Variants in MT1E observed in about 807,000 individuals in gnomAD.
The protein encoded by MT1E is metallothionein-1E.
In MT1E, 1 loss-of-function variant was observed where a neutral mutation model predicts 2.4. That is an observed-to-expected ratio of 0.41 (90% CI 0.15 to 1.97). The LOEUF (loss-of-function observed/expected upper bound fraction) is 1.97, where lower values mean the gene tolerates loss of function less well. Among genes scored for constraint, MT1E ranks in the 30% most tolerant of loss-of-function variants. MT1E has a pLI of 0.30. For missense variants in MT1E, 145 were observed against 149.6 expected (o/e 0.97, Z 0.16); for synonymous variants, 78 against 63.0 (o/e 1.24, Z -1.13).
Position 56,627,048 on chromosome 16 carries a change from G to A in MT1E, c.*227G>A, listed in dbSNP as rs2144310349. On this transcript the variant is annotated 3_prime_UTR_variant, in exon 2 of 2. Transcript: ENST00000330439. ...GATTTTTTTAAAAATACAACACTGAGCCATTTGCTGCATTTCTTTTTATAC... is the reference window on the plus strand; with the variant it reads ...GATTTTTTTAAAAATACAACACTGAACCATTTGCTGCATTTCTTTTTATAC... The A allele has an allele frequency of 6.5e-7, 1 of 1,541,454 alleles. No homozygotes were observed. The highest frequency in any genetic ancestry group is 8.8e-7 in the Non-Finnish European group (1 of 1,132,666).
In MT1E at chr16:56,626,705, T is replaced by G; in HGVS notation, c.268T>G (p.Phe90Val). ...ATTCAGATGGGGCAGGACAGCATTT[T>G]TCTCGTGGGACACAAACCCCAACTG... The part of the protein sequence containing the change: ...PKFRWGRTAF[F>V]SWDTNPNCTP... Residue 90 changes from phenylalanine to valine, a missense_variant, in exon 2 of 2, where the codon TTC becomes GTC. By Grantham distance (50) the Phe-to-Val change is conservative. Coordinates refer to ENST00000330439, the MANE Select transcript of MT1E (RefSeq NM_001363555.2). The G allele has an allele frequency of 6.3e-7, 1 of 1,590,150 alleles. No individual in the cohort carries two copies. The highest frequency in any genetic ancestry group is 8.6e-7 in the Non-Finnish European group (1 of 1,168,254).
Position 56,626,722 on chromosome 16 carries a change from C to T in MT1E, c.285C>T (p.Asn95=), listed in dbSNP as rs540831925. 5.4e-5 allele frequency: 87 copies of T among 1,596,638 alleles called. No individual in the cohort carries two copies. The East Asian group carries it at 1.7e-3, about 31-fold the overall frequency. ...GRTAFFSWDT[N]PNCTPYGFRT... ...CAGCATTTTTCTCGTGGGACACAAA[C>T]CCCAACTGTACCCCCTATGGTTTCA... Residue 95 remains asparagine (N), a synonymous_variant, in exon 2 of 2, where the codon AAC becomes AAT. Coordinates refer to ENST00000330439, the MANE Select transcript of MT1E (RefSeq NM_001363555.2).
At chr16:56,626,350 A>G in intron 1 of MT1E, 116 bp from the exon 2 acceptor site, 2 of 1,472,946 alleles carry the variant, frequency 1.4e-6, no homozygotes, top group East Asian at 2.3e-5. Flanking sequence ...CCTGAGTGGG[A>G]AAGGAGCTCT....
intron 1 of MT1E, 78 bp from the exon 2 acceptor site, chr16:56,626,388 G>T: frequency 6.2e-7 from 1 of 1,601,734 alleles, no homozygotes; most frequent in East Asian, 2.2e-5. Flanking sequence ...AGAGGAGGGG[G>T]CACTGGAGAC....
chr16:56,626,439 C>T, intron 1 of MT1E, 27 bp from the exon 2 acceptor site: 2 of 1,614,236 alleles, frequency 1.2e-6, no homozygotes, highest in Non-Finnish European at 1.7e-6. Context: ...TCACTCACTG[C>T]CCACTGCGTT....
chr16:56,626,368 G>C, intron 1 of MT1E, 98 bp from the exon 2 acceptor site: 1 of 1,557,200 alleles, frequency 6.4e-7, no homozygotes, highest in Non-Finnish European at 8.8e-7. Flanking sequence ...TCTGAGGGCT[G>C]GCCCTGCACA....
At chr16:56,625,978 G>A in intron 1 of MT1E, 99 bp downstream of exon 1, 1 of 1,389,064 alleles carries the variant, frequency 7.2e-7, no homozygotes, top group Admixed American at 1.7e-5. Context: ...GAGCGACGGG[G>A]ACTCCAGTAC....
Position 56,625,801 on chromosome 16 carries a change from G to A in MT1E, c.-51G>A. 6.2e-7 allele frequency: 1 copy of A among 1,609,738 alleles called. No homozygotes were observed. Among genetic ancestry groups the A allele is most frequent in the East Asian group, 2.2e-5 (1 of 44,852 alleles). ...GCTCCATTCTGCTTTCCAACTGCCT[G>A]ACTGCTTGTTCGTCTCACTGGTGTG... is the stretch of plus-strand genomic sequence containing the variant. On this transcript the variant is annotated 5_prime_UTR_variant, in exon 1 of 2. Transcript: ENST00000330439.
chr16:56,626,956 C>A lies in MT1E; in HGVS notation c.*135C>A. ...TCTGCAAAGGGGCATCGGAGAAGTG[C>A]AGCTGCTGTGCCTGATGTGGGAACA... On this transcript the variant is annotated 3_prime_UTR_variant, in exon 2 of 2. Coordinates refer to ENST00000330439, the MANE Select transcript of MT1E (RefSeq NM_001363555.2). The A allele has an allele frequency of 6.2e-7, 1 of 1,614,242 alleles. No individual in the cohort carries two copies. Among genetic ancestry groups the A allele is most frequent in the Non-Finnish European group, 8.5e-7 (1 of 1,180,044 alleles).
In MT1E at chr16:56,626,859, C is replaced by A. The variant is rs1179285218; in HGVS notation, c.*38C>A. On this transcript the variant is annotated 3_prime_UTR_variant, in exon 2 of 2. Coordinates refer to ENST00000330439, the MANE Select transcript of MT1E (RefSeq NM_001363555.2). The stretch of plus-strand genomic sequence containing the variant: ...CCCGGTCAAGTCTACTGCCACCTCT[C>A]ACTCTCCCCTTCTTCCCCAGGCTGC... 5 of 1,614,092 alleles carry A rather than the reference C, an allele frequency of 3.1e-6. No homozygotes were observed. The highest frequency in any genetic ancestry group is 4.2e-6 in the Non-Finnish European group (5 of 1,180,040).
Position 56,626,858 on chromosome 16 carries a change from TCA to T in MT1E, c.*39_*40del, listed in dbSNP as rs1194302873. On this transcript the variant is annotated 3_prime_UTR_variant, in exon 2 of 2. Transcript: ENST00000330439. ...GCCCGGTCAAGTCTACTGCCACCTC[TCA>T]CTCTCCCCTTCTTCCCCAGGCTGCT... is the stretch of plus-strand genomic sequence containing the variant. The T allele has an allele frequency of 6.2e-7, 1 of 1,614,080 alleles. No homozygotes were observed. The highest frequency in any genetic ancestry group is 8.5e-7 in the Non-Finnish European group (1 of 1,180,042).
chr16:56,626,888 T>C lies in MT1E; in HGVS notation c.*67T>C. The C allele has an allele frequency of 6.2e-7, 1 of 1,614,238 alleles. No homozygotes were observed. Among genetic ancestry groups the C allele is most frequent in the Non-Finnish European group, 8.5e-7 (1 of 1,180,042 alleles). On this transcript the variant is annotated 3_prime_UTR_variant, in exon 2 of 2. Transcript: ENST00000330439. ...CTCCCCTTCTTCCCCAGGCTGCTGT[T>C]CCTGCTGCCCCGTGGGCTGTGCCAA...
chr16:56,626,156 A>G lies in MT1E; in HGVS notation c.28+277A>G, dbSNP rs146867700. On this transcript the variant is annotated intron_variant, in intron 1 of 1. Transcript: ENST00000330439. The stretch of plus-strand genomic sequence containing the variant: ...CCAGTGCTCTGTCCAGGCTCTGAGC[A>G]ATCAGTGTGGTTGGGGGTGCTGGAA... Among the ~76,000 whole-genome samples, 1,201 of 152,258 alleles carry G rather than the reference A, an allele frequency of 7.9e-3. 7 individuals are homozygous for G. The highest frequency in any genetic ancestry group is 0.011 in the Non-Finnish European group (747 of 68,004).
At position 56,627,036 on chromosome 16, in the gene MT1E, A is replaced by C. The variant is rs1960223398; in HGVS notation, c.*215A>C. 1 of 1,587,510 alleles carries C rather than the reference A, an allele frequency of 6.3e-7. No homozygotes were observed. On this transcript the variant is annotated 3_prime_UTR_variant, in exon 2 of 2. Coordinates refer to ENST00000330439, the MANE Select transcript of MT1E (RefSeq NM_001363555.2). ...CTGCACAACCTGGATTTTTTTAAAA[A>C]TACAACACTGAGCCATTTGCTGCAT... is the stretch of plus-strand genomic sequence containing the variant.
Position 56,626,854 on chromosome 16 carries a change from C to T in MT1E, c.*33C>T, listed in dbSNP as rs771351404. 1 of 1,614,218 alleles carries T rather than the reference C, an allele frequency of 6.2e-7. No homozygotes were observed. The highest frequency in any genetic ancestry group is 1.1e-5 in the South Asian group (1 of 91,086). On this transcript the variant is annotated 3_prime_UTR_variant, in exon 2 of 2. Transcript: ENST00000330439. The stretch of plus-strand genomic sequence containing the variant: ...AGGTGCCCGGTCAAGTCTACTGCCA[C>T]CTCTCACTCTCCCCTTCTTCCCCAG...
At position 56,627,049 on chromosome 16, in the gene MT1E, C is replaced by T; in HGVS notation, c.*228C>T. Reference sequence around the variant, plus strand: ...ATTTTTTTAAAAATACAACACTGAGCCATTTGCTGCATTTCTTTTTATACT... The same window carrying T: ...ATTTTTTTAAAAATACAACACTGAGTCATTTGCTGCATTTCTTTTTATACT... On this transcript the variant is annotated 3_prime_UTR_variant, in exon 2 of 2. Coordinates refer to ENST00000330439, the MANE Select transcript of MT1E (RefSeq NM_001363555.2). 6.5e-7 allele frequency: 1 copy of T among 1,536,424 alleles called. No homozygotes were observed. Among genetic ancestry groups the T allele is most frequent in the Non-Finnish European group, 8.9e-7 (1 of 1,128,848 alleles).
Position 56,626,746 on chromosome 16 carries a change from C to T in MT1E, c.309C>T (p.Phe103=), listed in dbSNP as rs764751336. 5 of 1,608,842 alleles carry T rather than the reference C, an allele frequency of 3.1e-6. No homozygotes were observed. The highest frequency in any genetic ancestry group is 1.7e-5 in the Admixed American group (1 of 59,014). The part of the protein sequence containing the change: ...DTNPNCTPYG[F]RTELCQTKKS... ...ACCCCAACTGTACCCCCTATGGTTT[C>T]AGAACAGAGCTGTGCCAGACGAAAA... Residue 103 remains phenylalanine, a synonymous_variant, in exon 2 of 2, where the codon TTC becomes TTT. Transcript: ENST00000330439.
Position 56,626,946 on chromosome 16 carries a change from C to A in MT1E, c.*125C>A. 6.2e-7 allele frequency: 1 copy of A among 1,614,198 alleles called. No individual in the cohort carries two copies. The highest frequency in any genetic ancestry group is 8.5e-7 in the Non-Finnish European group (1 of 1,180,040). Reference sequence around the variant, plus strand: ...CAGGGCTGCGTCTGCAAAGGGGCATCGGAGAAGTGCAGCTGCTGTGCCTGA... The same window carrying A: ...CAGGGCTGCGTCTGCAAAGGGGCATAGGAGAAGTGCAGCTGCTGTGCCTGA... On this transcript the variant is annotated 3_prime_UTR_variant, in exon 2 of 2. Transcript: ENST00000330439.
At chr16:56,625,963 G>A in intron 1 of MT1E, 84 bp downstream of exon 1, 3 of 1,538,728 alleles carry the variant, frequency 1.9e-6, no homozygotes, top group Non-Finnish European at 2.7e-6. Flanking sequence ...CGCATTTTAA[G>A]TTCTGAGCGA....
Sources: gnomAD v4.1 joint callset for allele counts (sites outside exome capture counted in the v4.1 genomes callset) on GRCh38, gnomAD v4.1.1 for gene constraint, MANE v1.5 for transcripts, NCBI Gene and HGNC (gene_info 2026-07-23, HGNC 2026-07-21) for gene names.